Variants in ZC3H7A observed in about 807,000 individuals in gnomAD.
ZC3H7A encodes the protein zinc finger CCCH-type containing 7A.
In ZC3H7A, 44 loss-of-function variants were observed where a neutral mutation model predicts 125.5. The ratio of observed to expected loss-of-function variants is 0.35; its 90% confidence interval spans 0.28 to 0.45. ZC3H7A has a LOEUF of 0.45. Among genes scored for constraint, ZC3H7A ranks in the 20% least tolerant of loss-of-function variants. ZC3H7A has a pLI of 1.00. For synonymous variants in ZC3H7A, 399 were observed against 391.2 expected (o/e 1.02, Z -0.23); for missense variants, 977 against 1,170.7 (o/e 0.83, Z 2.41).
At chr16:11,783,983 G>C (rs1319489288) in intron 1 of ZC3H7A, among the ~76,000 whole-genome samples, 2 of 136,744 alleles carry the variant, frequency 1.5e-5, no homozygotes, top group Non-Finnish European at 3.2e-5. Context: ...CAACAAAAAA[G>C]GGGGGGGCTG....
chr16:11,786,610 G>C (rs955212516), intron 1 of ZC3H7A, among the ~76,000 whole-genome samples: 1 of 152,160 alleles, frequency 6.6e-6, no homozygotes. Flanking sequence ...AATGGATACA[G>C]ACGTTTTTAA....
chr16:11,789,725 T>G (rs765351713), intron 1 of ZC3H7A, among the ~76,000 whole-genome samples: 5 of 152,144 alleles, frequency 3.3e-5, no homozygotes, highest in Admixed American at 6.6e-5. Flanking sequence ...TTGTTTCCAA[T>G]CTTTAAAGGT....
chr16:11,760,001 C>T (rs2052716934), intron 19 of ZC3H7A, among the ~76,000 whole-genome samples: 1 of 151,720 alleles, frequency 6.6e-6, no homozygotes. Flanking sequence ...CGCCTGTAAT[C>T]CCAGCTACTC....
intron 18 of ZC3H7A, 169 bp downstream of exon 18, chr16:11,761,741 C>A: frequency 2.1e-6 from 2 of 968,360 alleles, no homozygotes; most frequent in Non-Finnish European, 1.5e-6. Flanking sequence ...CTTGTGAATT[C>A]TTATCTACTA....
At chr16:11,786,128 T>C (rs2053253632) in intron 1 of ZC3H7A, among the ~76,000 whole-genome samples, 1 of 152,154 alleles carries the variant, frequency 6.6e-6, no homozygotes, top group African/African-American at 2.4e-5. Flanking sequence ...TGTACAAAAA[T>C]TAAACAAATT....
intron 1 of ZC3H7A, chr16:11,796,801 A>G (rs1360383984): frequency 2.6e-5 from 4 of 151,728 alleles, no homozygotes; most frequent in Non-Finnish European, 5.9e-5. Flanking sequence ...GACAGAAATA[A>G]CCAAAAAAAA....
At position 11,775,065 on chromosome 16, in the gene ZC3H7A, T is replaced by G. The variant is rs1394505230; in HGVS notation, c.586-52A>C. 3 of 1,599,586 alleles carry G rather than the reference T, an allele frequency of 1.9e-6. No homozygotes were observed. The African/African-American group carries it at 4.0e-5, about 21-fold the overall frequency. On this transcript the variant is annotated intron_variant, in intron 7 of 22. Transcript: ENST00000355758. Reference sequence around the variant, plus strand: ...ATAATATTTTCAGGACTCTAAGCCATAAAACAATCAGTAAAACTCACCCTA... The same window carrying G: ...ATAATATTTTCAGGACTCTAAGCCAGAAAACAATCAGTAAAACTCACCCTA...
rs191809980 is a variant in ZC3H7A, at chr16:11,766,853, A to C, written c.1522+564T>G. On this transcript the variant is annotated intron_variant, in intron 13 of 22. Transcript: ENST00000355758. ...AGCCGAGATTGCGCCACTACACTCC[A>C]GCCTGGATGACAGAATGAGACTCTG... Among the ~76,000 whole-genome samples, 1,288 of 152,366 alleles carry C rather than the reference A, an allele frequency of 8.5e-3. 11 individuals are homozygous for C. The highest frequency in any genetic ancestry group is 0.013 in the Non-Finnish European group (875 of 68,032).
intron 21 of ZC3H7A, among the ~76,000 whole-genome samples, chr16:11,754,614 G>T (rs1416428987): frequency 6.6e-6 from 1 of 152,086 alleles, no homozygotes; most frequent in East Asian, 1.9e-4. Context: ...AAATGTAGCT[G>T]GGCACGGTGG....
Position 11,776,309 on chromosome 16 carries a change from A to G in ZC3H7A, c.585+11T>C. The G allele has an allele frequency of 6.3e-7, 1 of 1,594,762 alleles. No homozygotes were observed. Among genetic ancestry groups the G allele is most frequent in the Middle Eastern group, 1.7e-4 (1 of 5,748 alleles). ...AAAAAAATATAATTTTGACAGAAAA[A>G]ATAACTTTACCTTGGTAGCCCCATC... is the stretch of plus-strand genomic sequence containing the variant. On this transcript the variant is annotated intron_variant, in intron 7 of 22. Transcript: ENST00000355758.
Position 11,782,371 on chromosome 16 carries a change from A to G in ZC3H7A, c.-17T>C. 1 of 1,613,916 alleles carries G rather than the reference A, an allele frequency of 6.2e-7. No homozygotes were observed. The highest frequency in any genetic ancestry group is 8.5e-7 in the Non-Finnish European group (1 of 1,179,952). Reference sequence around the variant, plus strand: ...ATTGGACATGTTATCCCACACATCCACTTTCTAAATGAGCAATCTGGAAAG... The same window carrying G: ...ATTGGACATGTTATCCCACACATCCGCTTTCTAAATGAGCAATCTGGAAAG... On this transcript the variant is annotated 5_prime_UTR_variant, in exon 2 of 23. Coordinates refer to ENST00000355758, the MANE Select transcript of ZC3H7A (RefSeq NM_014153.4).
intron 3 of ZC3H7A, among the ~76,000 whole-genome samples, chr16:11,779,982 C>A (rs1228960954): frequency 6.6e-6 from 1 of 151,774 alleles, no homozygotes; most frequent in Non-Finnish European, 1.5e-5. Context: ...GTAAATTGCT[C>A]AGGTCATTTA....
chr16:11,771,258 T>C (rs935510013), intron 9 of ZC3H7A, among the ~76,000 whole-genome samples: 1 of 151,886 alleles, frequency 6.6e-6, no homozygotes, highest in Admixed American at 6.6e-5. Flanking sequence ...CATGGTGGCA[T>C]GCGCCTGTAG....
chr16:11,772,832 G>A (rs565296715), intron 9 of ZC3H7A, among the ~76,000 whole-genome samples: 8 of 151,668 alleles, frequency 5.3e-5, no homozygotes, highest in African/African-American at 1.2e-4. Context: ...AAGTAGCTGC[G>A]ATTACAGATA....
chr16:11,755,165 AC>A (rs1279095662), intron 21 of ZC3H7A, among the ~76,000 whole-genome samples: 1 of 150,178 alleles, frequency 6.7e-6, no homozygotes, highest in African/African-American at 2.5e-5. Context: ...AGCCAAGACT[AC>A]CGCATTGCAC....
chr16:11,769,020 G>C lies in ZC3H7A; in HGVS notation c.1173+11C>G, dbSNP rs1287370554. ...AAGCGATGTATTTACAAAAGAGGAA[G>C]TGGCACTTACAAGTAAAAGGGAAGA... On this transcript the variant is annotated intron_variant, in intron 11 of 22. Transcript: ENST00000355758. 2 of 1,600,876 alleles carry C rather than the reference G, an allele frequency of 1.2e-6. No individual in the cohort carries two copies. Among genetic ancestry groups the C allele is most frequent in the Non-Finnish European group, 1.7e-6 (2 of 1,175,360 alleles).
chr16:11,770,824 C>A lies in ZC3H7A; in HGVS notation c.1067G>T (p.Cys356Phe), dbSNP rs757082053. The A allele has an allele frequency of 1.2e-6, 2 of 1,613,922 alleles. No individual in the cohort carries two copies. Among genetic ancestry groups the A allele is most frequent in the East Asian group, 2.2e-5 (1 of 44,880 alleles). ...CATTGAAAATGAATTTAAAGAAGAA[C>A]AAAAATCTTCTAAGGATGAAGTCAA... ...PPLTSSLEDF[C>F]SSLNSFSMSE... is the part of the protein sequence containing the mutation. The change falls in exon 10 of 23, where the codon TGT becomes TTT. Residue 356 changes from cysteine to phenylalanine, a missense_variant. This residue lies in a region of ZC3H7A where 342 missense variants were observed against 311.3 expected (regional missense o/e 1.10). Coordinates refer to ENST00000355758, the MANE Select transcript of ZC3H7A (RefSeq NM_014153.4).
intron 13 of ZC3H7A, among the ~76,000 whole-genome samples, chr16:11,766,243 T>G (rs1302087209): frequency 6.6e-6 from 1 of 152,232 alleles, no homozygotes; most frequent in Admixed American, 6.5e-5. Flanking sequence ...TAGAGAGAAC[T>G]TAAGGTTTGA....
At chr16:11,767,343 C>CT (rs5815654) in intron 13 of ZC3H7A, 74 bp downstream of exon 13, 687,919 of 1,192,782 alleles carry the variant, frequency 0.58, 204,688 homozygotes, top group East Asian at 0.83. Context: ...ACAATGTATC[C>CT]TGTCATTAAG....
Sources: gnomAD v4.1 joint callset for allele counts (sites outside exome capture counted in the v4.1 genomes callset) on GRCh38, gnomAD v4.1.1 for gene constraint, gnomAD v4.1.1 regional missense constraint, MANE v1.5 for transcripts, NCBI Gene and HGNC (gene_info 2026-07-23, HGNC 2026-07-21) for gene names.